The following RIMBP2 variants were observed in gnomAD, a reference collection of about 807,000 sequenced individuals.
RIMBP2 encodes RIMS-binding protein 2.
In RIMBP2, 48 loss-of-function variants were observed where a neutral mutation model predicts 118.6. That is an observed-to-expected ratio of 0.40 (90% CI 0.32 to 0.51). The LOEUF is 0.51. Ranked by LOEUF, RIMBP2 falls within the 20% of genes least tolerant of loss-of-function variation. RIMBP2 has a pLI of 0.41. For missense variants in RIMBP2, 1,551 were observed against 1,768.3 expected (o/e 0.88, Z 2.20); for synonymous variants, 762 against 742.9 (o/e 1.03, Z -0.42).
chr12:130,661,038 G>T (rs2063638661), intron 1 of RIMBP2, among the ~76,000 whole-genome samples: 1 of 152,194 alleles, frequency 6.6e-6, no homozygotes, highest in Admixed American at 6.5e-5. Flanking sequence ...GGCCAACATG[G>T]CAAGACCCTG....
chr12:130,474,889 C>A (rs2137984423), intron 5 of RIMBP2, among the ~76,000 whole-genome samples: 1 of 152,338 alleles, frequency 6.6e-6, no homozygotes, highest in Middle Eastern at 3.4e-3. Flanking sequence ...CACACCGTCC[C>A]ACTCCTTGCT....
intron 4 of RIMBP2, among the ~76,000 whole-genome samples, chr12:130,482,283 C>A (rs1196579432): frequency 2.0e-5 from 3 of 152,232 alleles, no homozygotes; most frequent in African/African-American, 7.2e-5. Flanking sequence ...TTCATTGCTT[C>A]TTCTGGATAT....
Position 130,438,498 on chromosome 12 carries a change from T to C in RIMBP2, c.1523A>G (p.Gln508Arg), listed in dbSNP as rs758732266. The stretch of plus-strand genomic sequence containing the variant: ...CACCCCAGCCTGGACGGTAACATCT[T>C]GTGGGGGTGCTGGGGGTCCTGGGAG... ...TLPAGPPAPP[Q>R]DVTVQAGVTP... Residue 508 changes from glutamine (Q) to arginine (R), a missense_variant, in exon 12 of 23, where the codon CAA becomes CGA. This residue lies in a region of RIMBP2 where 1,038 missense variants were observed against 1,125.1 expected (regional missense o/e 0.92). Coordinates refer to ENST00000690449, the MANE Select transcript of RIMBP2 (RefSeq NM_001393629.1). The C allele has an allele frequency of 4.4e-6, 7 of 1,606,512 alleles. No individual in the cohort carries two copies. In the East Asian group the frequency reaches 1.3e-4, roughly 31 times the overall value.
At chr12:130,535,788 TA>T (rs1304189420) in intron 2 of RIMBP2, among the ~76,000 whole-genome samples, 6 of 142,458 alleles carry the variant, frequency 4.2e-5, no homozygotes, top group East Asian at 4.1e-4. Flanking sequence ...TATATACACA[TA>T]TTTTTTTGAG....
chr12:130,499,867 A>G (rs561162801), intron 4 of RIMBP2, among the ~76,000 whole-genome samples: 9 of 152,348 alleles, frequency 5.9e-5, no homozygotes, highest in Non-Finnish European at 2.9e-5. Flanking sequence ...CAGAAACTAG[A>G]AAGCGTTTGA....
intron 19 of RIMBP2, among the ~76,000 whole-genome samples, chr12:130,408,825 C>T (rs2075419602): frequency 2.6e-5 from 4 of 152,190 alleles, no homozygotes; most frequent in African/African-American, 4.8e-5. Context: ...AATATCTCAA[C>T]GGCAACTAAA....
chr12:130,653,264 G>A (rs569201925), intron 1 of RIMBP2, among the ~76,000 whole-genome samples: 18 of 152,320 alleles, frequency 1.2e-4, no homozygotes, highest in Non-Finnish European at 1.5e-4. Flanking sequence ...TGGTCTAGGC[G>A]TTGGGTAAAG....
chr12:130,535,060 G>T (rs1240545784), intron 2 of RIMBP2, among the ~76,000 whole-genome samples: 1 of 152,222 alleles, frequency 6.6e-6, no homozygotes, highest in Non-Finnish European at 1.5e-5. Flanking sequence ...CTGCCCTTTA[G>T]CAAGCTCACG....
At chr12:130,397,918 A>C (rs1185628249) in intron 22 of RIMBP2, 2 of 163,370 alleles carry the variant, frequency 1.2e-5, no homozygotes, top group African/African-American at 4.8e-5. Flanking sequence ...AAAAAGCGAA[A>C]GTTCATAAAG....
chr12:130,471,797 C>T (rs1223334715), intron 5 of RIMBP2: 1 of 152,572 alleles, frequency 6.6e-6, no homozygotes, highest in Non-Finnish European at 1.5e-5. Context: ...CCTCAGGCCT[C>T]TTCCTCCAGC....
intron 5 of RIMBP2, among the ~76,000 whole-genome samples, chr12:130,474,110 C>T (rs1300779444): frequency 6.6e-6 from 1 of 152,214 alleles, no homozygotes; most frequent in Admixed American, 6.5e-5. Flanking sequence ...CAACGGAGCG[C>T]AGCCGGACCC....
intron 2 of RIMBP2, among the ~76,000 whole-genome samples, chr12:130,522,731 T>C (rs962967348): frequency 2.6e-5 from 4 of 152,100 alleles, no homozygotes; most frequent in Non-Finnish European, 4.4e-5. Flanking sequence ...GAGGTGGGTT[T>C]CCACGGAGGA....
At chr12:130,539,594 A>C (rs1295410522) in intron 2 of RIMBP2, among the ~76,000 whole-genome samples, 8 of 143,022 alleles carry the variant, frequency 5.6e-5, no homozygotes, top group East Asian at 4.3e-4. Flanking sequence ...CAGGTGTAGG[A>C]TATGGCAAAT....
chr12:130,438,127 A>AT (rs1180299615), intron 12 of RIMBP2, among the ~76,000 whole-genome samples: 4 of 152,158 alleles, frequency 2.6e-5, no homozygotes, highest in African/African-American at 7.2e-5. Context: ...TGGCCCCTGC[A>AT]TTTTTAATCC....
intron 2 of RIMBP2, among the ~76,000 whole-genome samples, chr12:130,569,001 T>C (rs1417051395): frequency 1.3e-5 from 2 of 151,992 alleles, no homozygotes; most frequent in African/African-American, 4.8e-5. Flanking sequence ...TGACATCTAC[T>C]GCCTTGGAGA....
rs540650862 is a variant in RIMBP2, at chr12:130,497,966, C to T, written c.-4+8682G>A. On this transcript the variant is annotated intron_variant, in intron 4 of 22. Coordinates refer to ENST00000690449, the MANE Select transcript of RIMBP2 (RefSeq NM_001393629.1). The stretch of plus-strand genomic sequence containing the variant: ...CACCAACTCTCCTGTGTTTATTCCC[C>T]TTGGAGAGTCTCTGTCTATTCCAGA... Among the ~76,000 whole-genome samples the T allele has an allele frequency of 2.0e-5, 3 of 152,316 alleles. No individual in the cohort carries two copies. In the East Asian group the frequency reaches 5.8e-4, roughly 29 times the overall value.
At chr12:130,664,465 A>ACACACACACATG (rs74195662) in intron 1 of RIMBP2, among the ~76,000 whole-genome samples, 11 of 122,634 alleles carry the variant, frequency 9.0e-5, no homozygotes, top group African/African-American at 1.8e-4. Flanking sequence ...ATGCACGCAC[A>ACACACACACATG]CACACGCACG....
At chr12:130,548,429 A>G (rs1274094385) in intron 2 of RIMBP2, among the ~76,000 whole-genome samples, 1 of 152,140 alleles carries the variant, frequency 6.6e-6, no homozygotes, top group Non-Finnish European at 1.5e-5. Flanking sequence ...TAAAGCTAAG[A>G]TTGTGATCTC....
In RIMBP2 at chr12:130,477,212, C is replaced by T. The variant is rs12578945; in HGVS notation, c.102+1700G>A. Among the ~76,000 whole-genome samples, 1,115 of 152,270 alleles carry T rather than the reference C, an allele frequency of 7.3e-3. 65 individuals are homozygous for T. The East Asian group carries it at 0.14, about 19-fold the overall frequency. The stretch of plus-strand genomic sequence containing the variant: ...GACAGCACACAGAAGAGATCGTGGA[C>T]GCGGAATAACAGAGTCAGTTCCAGG... On this transcript the variant is annotated intron_variant, in intron 5 of 22. Transcript: ENST00000690449.
Sources: allele counts gnomAD v4.1 joint callset (sites outside exome capture counted in the v4.1 genomes callset), GRCh38; gene constraint gnomAD v4.1.1; regional missense constraint gnomAD v4.1.1; transcripts MANE v1.5; gene names NCBI Gene and HGNC (gene_info 2026-07-23, HGNC 2026-07-21).